The following ATP6V1A variants were observed in gnomAD, a reference collection of about 807,000 sequenced individuals.
ATP6V1A encodes the protein ATPase H+ transporting V1 subunit A, also known as V-type proton ATPase catalytic subunit A.
A neutral mutation model predicts 70.1 loss-of-function variants in ATP6V1A; 18 were observed. The observed-to-expected ratio is 0.26, with a 90% confidence interval of 0.18 to 0.38. ATP6V1A has a LOEUF of 0.38. Ranked by LOEUF, ATP6V1A falls within the 10% of genes least tolerant of loss-of-function variation. ATP6V1A has a pLI of 1.00. For missense variants in ATP6V1A, 424 were observed against 772.4 expected, an observed-to-expected ratio of 0.55 and a Z score of 5.35; for synonymous variants, 232 against 253.8, an observed-to-expected ratio of 0.91 and a Z score of 0.82.
At chr3:113,777,220 TAAAC>T (rs1186886425) in intron 1 of ATP6V1A, among the ~76,000 whole-genome samples, 1 of 152,192 alleles carries the variant, frequency 6.6e-6, no homozygotes, top group Admixed American at 6.5e-5. Flanking sequence ...TGTATATCAA[TAAAC>T]AAAGAGGTTG....
intron 3 of ATP6V1A, among the ~76,000 whole-genome samples, chr3:113,783,165 A>G (rs1708998173): frequency 6.6e-6 from 1 of 152,204 alleles, no homozygotes; most frequent in Non-Finnish European, 1.5e-5. Context: ...CAATTCCATC[A>G]TATAAATGTA....
chr3:113,800,788 T>G (rs1028499420), intron 12 of ATP6V1A, among the ~76,000 whole-genome samples: 1 of 152,220 alleles, frequency 6.6e-6, no homozygotes, highest in Non-Finnish European at 1.5e-5. Flanking sequence ...TAAGCATTTA[T>G]GTTTAGCAAA....
chr3:113,759,290 T>G (rs1199415902), intron 1 of ATP6V1A, among the ~76,000 whole-genome samples: 2 of 151,096 alleles, frequency 1.3e-5, no homozygotes, highest in East Asian at 1.9e-4. Context: ...GTTACGGGTT[T>G]TTTTTTTTTT....
rs779580658 is a variant in ATP6V1A, at chr3:113,789,781, C to G, written c.929C>G (p.Ala310Gly). 1 of 1,613,314 alleles carries G rather than the reference C, an allele frequency of 6.2e-7. No individual in the cohort carries two copies. Among genetic ancestry groups the G allele is most frequent in the African/African-American group, 1.3e-5 (1 of 75,030 alleles). The stretch of plus-strand genomic sequence containing the variant: ...GTAGAGTCAATTATGAAGAGGACAG[C>G]TTTGGTAGCCAATACCTCCAATATG... ...GKVESIMKRT[A>G]LVANTSNMPV... The change falls in exon 8 of 15, where the codon GCT (alanine) becomes GGT (glycine). Residue 310 changes from alanine to glycine, a missense_variant. Coordinates refer to ENST00000273398, the MANE Select transcript of ATP6V1A (RefSeq NM_001690.4).
At chr3:113,763,288 T>C (rs1446978909) in intron 1 of ATP6V1A, among the ~76,000 whole-genome samples, 4 of 152,066 alleles carry the variant, frequency 2.6e-5, no homozygotes, top group Non-Finnish European at 4.4e-5. Context: ...GGGGTTTCAC[T>C]GTGTTAGCCA....
intron 1 of ATP6V1A, among the ~76,000 whole-genome samples, chr3:113,760,076 T>C (rs1177710947): frequency 1.3e-5 from 2 of 152,234 alleles, no homozygotes; most frequent in Non-Finnish European, 2.9e-5. Flanking sequence ...AATCATACTA[T>C]TGAAAACTTC....
intron 10 of ATP6V1A, among the ~76,000 whole-genome samples, chr3:113,795,575 C>T (rs1251374358): frequency 6.6e-6 from 1 of 151,826 alleles, no homozygotes; most frequent in Non-Finnish European, 1.5e-5. Context: ...AGCGTTTCCT[C>T]CTTGCTTCAT....
chr3:113,779,021 T>C (rs1257355351), intron 2 of ATP6V1A, 186 bp downstream of exon 2: 6 of 385,186 alleles, frequency 1.6e-5, no homozygotes, highest in African/African-American at 1.0e-4. Context: ...CTAGCATTGA[T>C]TATCTAAATT....
intron 1 of ATP6V1A, among the ~76,000 whole-genome samples, chr3:113,750,354 C>T (rs1421479028): frequency 2.0e-5 from 3 of 152,138 alleles, no homozygotes; most frequent in Non-Finnish European, 4.4e-5. Flanking sequence ...TGGCGGCACG[C>T]GCCTGTAGTG....
At chr3:113,771,429 C>CTTTTT (rs772278685) in intron 1 of ATP6V1A, among the ~76,000 whole-genome samples, 1 of 112,596 alleles carries the variant, frequency 8.9e-6, no homozygotes, top group African/African-American at 3.4e-5. Flanking sequence ...ATATTTTTCT[C>CTTTTT]TTTTTTTTTT....
At chr3:113,801,626 A>T (rs1411727642) in intron 12 of ATP6V1A, among the ~76,000 whole-genome samples, 1 of 152,158 alleles carries the variant, frequency 6.6e-6, no homozygotes, top group East Asian at 1.9e-4. Flanking sequence ...AATTGGAAGA[A>T]ATCTGAATGT....
Position 113,795,909 on chromosome 3 carries a change from A to G in ATP6V1A, c.1260A>G (p.Pro420=), listed in dbSNP as rs377421207. 185 of 1,610,446 alleles carry G rather than the reference A, an allele frequency of 1.1e-4. 1 individual carries two copies. The Middle Eastern group carries it at 1.8e-3, about 16-fold the overall frequency. ...CACCTGGTGGTGATTTTTCTGATCC[A>G]GTTACATCTGCCACTCTTGGTATCG... ...VSPPGGDFSD[P]VTSATLGIVQ... The change falls in exon 11 of 15, where the codon CCA becomes CCG. Residue 420 remains proline, a synonymous_variant. Transcript: ENST00000273398.
At chr3:113,785,308 C>T (rs1432517940) in intron 5 of ATP6V1A, among the ~76,000 whole-genome samples, 5 of 152,076 alleles carry the variant, frequency 3.3e-5, no homozygotes, top group African/African-American at 7.2e-5. Context: ...GGCGTGGTGG[C>T]GCACGCCTGT....
intron 1 of ATP6V1A, among the ~76,000 whole-genome samples, chr3:113,768,733 C>A (rs1441177135): frequency 1.3e-5 from 2 of 151,518 alleles, no homozygotes; most frequent in East Asian, 3.9e-4. Flanking sequence ...GTAGCTGGAA[C>A]TACAGACGCA....
At chr3:113,748,670 G>A (rs1325312783) in intron 1 of ATP6V1A, among the ~76,000 whole-genome samples, 1 of 152,158 alleles carries the variant, frequency 6.6e-6, no homozygotes, top group Non-Finnish European at 1.5e-5. Context: ...TATAGTAAGT[G>A]CAAAATACAT....
chr3:113,777,000 ATAT>A (rs1313477871), intron 1 of ATP6V1A, among the ~76,000 whole-genome samples: 1 of 152,196 alleles, frequency 6.6e-6, no homozygotes, highest in Non-Finnish European at 1.5e-5. Flanking sequence ...AAATAAGGGT[ATAT>A]TATTTGGTAC....
At chr3:113,807,124 T>C (rs1435043620) in intron 14 of ATP6V1A, among the ~76,000 whole-genome samples, 1 of 151,900 alleles carries the variant, frequency 6.6e-6, no homozygotes, top group East Asian at 1.9e-4. Context: ...ACAAAGGAAG[T>C]AATCAGAATT....
At chr3:113,775,205 A>G (rs966678175) in intron 1 of ATP6V1A, among the ~76,000 whole-genome samples, 4 of 151,948 alleles carry the variant, frequency 2.6e-5, no homozygotes, top group African/African-American at 9.7e-5. Context: ...ACATTTTTGT[A>G]AGCGTATTAC....
rs751048812 is a variant in ATP6V1A at position 113,784,335 on chromosome 3, A to T, written c.323A>T (p.Asp108Val). The change falls in exon 4 of 15, where the codon GAT (aspartate) becomes GTT (valine). Residue 108 changes from aspartate (D) to valine (V), a missense_variant. Transcript: ENST00000273398. ...GATGGTATTCAAAGACCTTTGTCGG[A>T]TATCAGCAGTCAGACCCAAAGCATC... ...IFDGIQRPLSDISSQTQSIYI... is the reference protein window; with the variant it reads ...IFDGIQRPLSVISSQTQSIYI... 2 of 1,614,006 alleles carry T rather than the reference A, an allele frequency of 1.2e-6. No homozygotes were observed. The highest frequency in any genetic ancestry group is 2.7e-5 in the African/African-American group (2 of 74,936).
Sources: allele counts gnomAD v4.1 joint callset (sites outside exome capture counted in the v4.1 genomes callset), GRCh38; gene constraint gnomAD v4.1.1; transcripts MANE v1.5; gene names NCBI Gene and HGNC (gene_info 2026-07-23, HGNC 2026-07-21).